Variants in CADM1 observed in about 807,000 individuals in gnomAD.
The protein encoded by CADM1 is TSLC-1.
Under a neutral mutation model 53.1 loss-of-function variants are expected in CADM1, and 15 were observed. That is an observed-to-expected ratio of 0.28 (90% CI 0.19 to 0.44). The LOEUF (loss-of-function observed/expected upper bound fraction) is 0.44, where lower values mean the gene tolerates loss of function less well. CADM1 is among the 20% of genes least tolerant of loss of function. The pLI, the probability that CADM1 is intolerant of heterozygous loss-of-function variation, is 1.00. For synonymous variants in CADM1, 281 were observed against 243.0 expected (o/e 1.16, Z -1.45); for missense variants, 434 against 611.3 (o/e 0.71, Z 3.06).
chr11:115,407,826 A>G (rs1181780761), intron 1 of CADM1, among the ~76,000 whole-genome samples: 2 of 140,328 alleles, frequency 1.4e-5, no homozygotes, highest in Non-Finnish European at 3.0e-5. Context: ...GAGCCATACC[A>G]TCGCACTCCA....
intron 1 of CADM1, among the ~76,000 whole-genome samples, chr11:115,275,450 T>A (rs934569580): frequency 2.0e-5 from 3 of 152,214 alleles, no homozygotes; most frequent in African/African-American, 7.2e-5. Context: ...ATAGATGCTT[T>A]ACTGTTTCCC....
intron 1 of CADM1, among the ~76,000 whole-genome samples, chr11:115,259,583 G>T (rs954790812): frequency 1.3e-5 from 2 of 152,126 alleles, no homozygotes; most frequent in South Asian, 4.1e-4. Context: ...CAGGATTACA[G>T]GTGGGAGCCA....
intron 1 of CADM1, among the ~76,000 whole-genome samples, chr11:115,362,108 T>G (rs1034853775): frequency 5.3e-5 from 8 of 152,212 alleles, no homozygotes; most frequent in Non-Finnish European, 8.8e-5. Context: ...TAAAGGTAGT[T>G]TGTTTCATTT....
At chr11:115,259,578 T>C (rs1942906019) in intron 1 of CADM1, among the ~76,000 whole-genome samples, 2 of 152,214 alleles carry the variant, frequency 1.3e-5, no homozygotes, top group East Asian at 1.9e-4. Context: ...AATGCCAGGA[T>C]TACAGGTGGG....
rs565920693 is a variant in CADM1, at chr11:115,477,449, TA to T, written c.124+26821del. 5.7e-4 allele frequency among the ~76,000 whole-genome samples: 87 copies of T among 152,204 alleles called. 1 individual carries two copies. Among genetic ancestry groups the T allele is most frequent in the Non-Finnish European group, 6.8e-4 (46 of 67,990 alleles). On this transcript the variant is annotated intron_variant, in intron 1 of 11. Coordinates refer to ENST00000331581, the MANE Select transcript of CADM1 (RefSeq NM_001301043.2). Reference sequence around the variant, plus strand: ...TAACCAAAGCAGACAGGAAGAAAATTAAAAATGTAAGCCTGTTTTCTAAACT... The same window carrying T: ...TAACCAAAGCAGACAGGAAGAAAATTAAAATGTAAGCCTGTTTTCTAAACT...
intron 10 of CADM1, among the ~76,000 whole-genome samples, chr11:115,183,843 T>G (rs77280932): frequency 1.9e-3 from 294 of 152,280 alleles, no homozygotes; most frequent in African/African-American, 6.9e-3. Context: ...CTAACGGTAT[T>G]AGTCTTCCTA....
intron 1 of CADM1, among the ~76,000 whole-genome samples, chr11:115,374,468 TGATAA>T (rs1946388757): frequency 6.6e-6 from 1 of 152,184 alleles, no homozygotes; most frequent in African/African-American, 2.4e-5. Flanking sequence ...TTAAGTTAAA[TGATAA>T]GGGGAAGTTT....
intron 7 of CADM1, among the ~76,000 whole-genome samples, chr11:115,210,820 T>G (rs892703398): frequency 9.9e-5 from 15 of 152,190 alleles, no homozygotes; most frequent in Admixed American, 8.5e-4. Context: ...GGTGCTTGGT[T>G]GCAAAGTCTA....
intron 1 of CADM1, among the ~76,000 whole-genome samples, chr11:115,354,037 C>T (rs1257704008): frequency 6.6e-6 from 1 of 152,026 alleles, no homozygotes; most frequent in Non-Finnish European, 1.5e-5. Flanking sequence ...GCACACAGTA[C>T]AAAATTAATA....
chr11:115,460,414 C>T (rs192441707), intron 1 of CADM1, among the ~76,000 whole-genome samples: 33 of 152,268 alleles, frequency 2.2e-4, no homozygotes, highest in African/African-American at 7.9e-4. Context: ...CTCAACTACA[C>T]ACAGCTTTAC....
At chr11:115,297,990 TTAAAA>T (rs1944123431) in intron 1 of CADM1, among the ~76,000 whole-genome samples, 1 of 152,172 alleles carries the variant, frequency 6.6e-6, no homozygotes, top group Non-Finnish European at 1.5e-5. Flanking sequence ...TCTGCATAGT[TTAAAA>T]TAAGAGTGGA....
intron 1 of CADM1, among the ~76,000 whole-genome samples, chr11:115,344,313 G>A (rs1447777647): frequency 6.6e-6 from 1 of 152,040 alleles, no homozygotes; most frequent in African/African-American, 2.4e-5. Flanking sequence ...AAACTTCAAT[G>A]TCATATCTTT....
chr11:115,236,896 G>A (rs1942029232), intron 3 of CADM1, among the ~76,000 whole-genome samples: 1 of 152,218 alleles, frequency 6.6e-6, no homozygotes, highest in Middle Eastern at 3.4e-3. Context: ...ACCTGGGCAA[G>A]ATGTCTAACA....
At chr11:115,243,429 T>C (rs1819581697) in intron 1 of CADM1, among the ~76,000 whole-genome samples, 1 of 152,146 alleles carries the variant, frequency 6.6e-6, no homozygotes, top group South Asian at 2.1e-4. Context: ...AGGATGTCAT[T>C]CTGTAAATAT....
intron 1 of CADM1, among the ~76,000 whole-genome samples, chr11:115,421,494 G>A (rs1389882709): frequency 6.6e-6 from 1 of 152,152 alleles, no homozygotes; most frequent in African/African-American, 2.4e-5. Context: ...CACTATTTCT[G>A]CCTGCCCTTC....
chr11:115,228,082 T>C (rs1174228606), intron 5 of CADM1, among the ~76,000 whole-genome samples: 1 of 151,998 alleles, frequency 6.6e-6, no homozygotes, highest in African/African-American at 2.4e-5. Flanking sequence ...GAGGGGAAGG[T>C]CATGTGACGA....
Position 115,175,531 on chromosome 11 carries a change from T to C in CADM1, c.*943A>G, listed in dbSNP as rs1284180005. ...CCAGAGCAGAACTGTATTTCCCCCCTCCCTACTTCCCCTCCTGTGGCAACT... is the reference window on the plus strand; with the variant it reads ...CCAGAGCAGAACTGTATTTCCCCCCCCCCTACTTCCCCTCCTGTGGCAACT... On this transcript the variant is annotated 3_prime_UTR_variant, in exon 12 of 12. Transcript: ENST00000331581. The C allele has an allele frequency of 3.0e-6, 3 of 985,328 alleles. No individual in the cohort carries two copies. In the African/African-American group the frequency reaches 5.2e-5, roughly 17 times the overall value. The allele number at this position is 985,328 out of a possible 1,614,324, so 61.0% of individuals were successfully genotyped here. A position where few individuals can be genotyped will look rare whatever the true frequency, so the allele number is the denominator to read the frequency against.
chr11:115,290,446 G>A (rs541398307), intron 1 of CADM1, among the ~76,000 whole-genome samples: 24 of 152,284 alleles, frequency 1.6e-4, no homozygotes, highest in Non-Finnish European at 2.8e-4. Context: ...CATACTGTGC[G>A]GGAGAAATGC....
At chr11:115,497,778 T>C (rs1949651881) in intron 1 of CADM1, among the ~76,000 whole-genome samples, 1 of 152,154 alleles carries the variant, frequency 6.6e-6, no homozygotes, top group Non-Finnish European at 1.5e-5. Context: ...AATGTAGGCA[T>C]TCCTTTGTGC....
Sources: gnomAD v4.1 joint callset for allele counts (sites outside exome capture counted in the v4.1 genomes callset) on GRCh38, gnomAD v4.1.1 for gene constraint, MANE v1.5 for transcripts, NCBI Gene and HGNC (gene_info 2026-07-23, HGNC 2026-07-21) for gene names.